Variants in DNAH14 observed in about 807,000 individuals in gnomAD.
The protein encoded by DNAH14 is dynein axonemal heavy chain 14.
A neutral mutation model predicts 520.9 loss-of-function variants in DNAH14; 478 were observed. The ratio of observed to expected loss-of-function variants is 0.92; its 90% CI spans 0.85 to 0.99. DNAH14 has a LOEUF of 0.99. Among genes scored for constraint, DNAH14 ranks in the 50% least tolerant of loss-of-function variants. The probability of loss-of-function intolerance (pLI) is 0.00; values close to 1 mark genes in which losing one functional copy is unlikely to be tolerated. For missense variants in DNAH14, 4,831 were observed against 5,234.5 expected, an observed-to-expected ratio of 0.92 and a Z score of 2.38; for synonymous variants, 1,581 against 1,757.2, an observed-to-expected ratio of 0.90 and a Z score of 2.51.
Position 225,246,761 on chromosome 1 carries a change from A to ATCCTATTTCTC in DNAH14, c.6749-5540_6749-5539insTCCTATTTCTC, listed in dbSNP as rs1471165636. Reference sequence around the variant, plus strand: ...CTGGAGAGGATGTGGAGAAATAGGAACGCTTTTACACTGTTGGTGGGAGTG... The same window carrying ATCCTATTTCTC: ...CTGGAGAGGATGTGGAGAAATAGGAATCCTATTTCTCCGCTTTTACACTGTTGGTGGGAGTG... On this transcript the variant is annotated intron_variant, in intron 43 of 85. Coordinates refer to ENST00000682510, the MANE Select transcript of DNAH14 (RefSeq NM_001367479.1). Among the ~76,000 whole-genome samples the ATCCTATTTCTC allele has an allele frequency of 2.0e-5, 3 of 152,198 alleles. No homozygotes were observed. The East Asian group carries it at 5.8e-4, about 29-fold the overall frequency.
rs1204314432 is a variant in DNAH14 at position 225,335,545 on chromosome 1, G to GTATATACA, written c.10081-1717_10081-1710dup. Among the ~76,000 whole-genome samples the GTATATACA allele has an allele frequency of 1.9e-3, 136 of 69,906 alleles. 1 individual carries two copies. Among genetic ancestry groups the GTATATACA allele is most frequent in the Middle Eastern group, 0.01 (1 of 100 alleles). 45.9% of individuals were successfully genotyped at this position (69,906 alleles called of 152,430 possible). On this transcript the variant is annotated intron_variant, in intron 66 of 85. Coordinates refer to ENST00000682510, the MANE Select transcript of DNAH14 (RefSeq NM_001367479.1). ...CATATATACATATGTACATATATAC[G>GTATATACA]TATATACATATGTACATCTATGTAT...
intron 44 of DNAH14, among the ~76,000 whole-genome samples, chr1:225,255,052 G>A (rs2092689853): frequency 6.6e-6 from 1 of 152,200 alleles, no homozygotes; most frequent in Non-Finnish European, 1.5e-5. Flanking sequence ...GGGTTTATAA[G>A]ATATTGATAT....
intron 10 of DNAH14, 125 bp downstream of exon 10, chr1:225,007,669 C>T (rs954903270): frequency 1.5e-6 from 1 of 650,296 alleles, no homozygotes; most frequent in Non-Finnish European, 2.3e-6. Flanking sequence ...GGTTAATTAA[C>T]CAACTAACTG....
At chr1:225,274,923 A>T (rs1226785822) in intron 52 of DNAH14, among the ~76,000 whole-genome samples, 1 of 152,234 alleles carries the variant, frequency 6.6e-6, no homozygotes, top group Non-Finnish European at 1.5e-5. Flanking sequence ...ACAATGTGCC[A>T]AGCACAGTGT....
At chr1:225,168,430 G>C (rs2082254890) in intron 36 of DNAH14, among the ~76,000 whole-genome samples, 2 of 152,172 alleles carry the variant, frequency 1.3e-5, no homozygotes, top group Non-Finnish European at 2.9e-5. Context: ...ACGGCACCTG[G>C]AAAATCAGGT....
rs767587148 is a variant in DNAH14, at chr1:225,117,661, G to A, written c.3868-23G>A. On this transcript the variant is annotated intron_variant, in intron 23 of 85. Transcript: ENST00000682510. ...CATAATTAAGCATATATTCTGAATTGCATTTCTTTTGATTCTGGACAGGAT... is the reference window on the plus strand; with the variant it reads ...CATAATTAAGCATATATTCTGAATTACATTTCTTTTGATTCTGGACAGGAT... 6 of 1,392,248 alleles carry A rather than the reference G, an allele frequency of 4.3e-6. No homozygotes were observed. The Admixed American group carries it at 6.2e-5, about 14-fold the overall frequency. The allele number at this position is 1,392,248 out of a possible 1,614,324, so 86.2% of individuals were successfully genotyped here.
intron 17 of DNAH14, among the ~76,000 whole-genome samples, chr1:225,062,284 A>T (rs1354560260): frequency 1.3e-5 from 2 of 152,140 alleles, no homozygotes; most frequent in Non-Finnish European, 2.9e-5. Flanking sequence ...GGTCAACAGA[A>T]TAAGACTGTA....
chr1:225,245,999 C>T (rs1436581040), intron 43 of DNAH14, among the ~76,000 whole-genome samples: 5 of 150,272 alleles, frequency 3.3e-5, no homozygotes, highest in Non-Finnish European at 7.4e-5. Context: ...GTAACCAAAA[C>T]AGCATGATAC....
At chr1:225,128,251 C>T (rs2148929075) in intron 27 of DNAH14, among the ~76,000 whole-genome samples, 1 of 151,544 alleles carries the variant, frequency 6.6e-6, no homozygotes, top group South Asian at 2.1e-4. Flanking sequence ...TGAATGTTGG[C>T]CTGCATTCCT....
At chr1:225,247,122 A>G (rs1167546703) in intron 43 of DNAH14, among the ~76,000 whole-genome samples, 1 of 152,236 alleles carries the variant, frequency 6.6e-6, no homozygotes, top group Non-Finnish European at 1.5e-5. Flanking sequence ...AAACTAACAC[A>G]GGAACAGAAA....
intron 55 of DNAH14, 91 bp from the exon 56 acceptor site, chr1:225,300,778 C>A: frequency 7.7e-7 from 1 of 1,303,636 alleles, no homozygotes; most frequent in Non-Finnish European, 1.0e-6. Flanking sequence ...TCCTTAATCA[C>A]TGTTGCTTTC....
intron 53 of DNAH14, among the ~76,000 whole-genome samples, 175 bp downstream of exon 53, chr1:225,276,256 T>C (rs934918589): frequency 3.3e-5 from 5 of 151,976 alleles, no homozygotes; most frequent in Admixed American, 2.6e-4. Flanking sequence ...CAGGGGAAAA[T>C]GCTTACCTTC....
intron 44 of DNAH14, among the ~76,000 whole-genome samples, chr1:225,253,488 A>G (rs1275686844): frequency 1.3e-5 from 2 of 152,118 alleles, no homozygotes; most frequent in Non-Finnish European, 2.9e-5. Context: ...AAATGTCACC[A>G]TGTAATTTTT....
intron 44 of DNAH14, among the ~76,000 whole-genome samples, chr1:225,256,219 C>T (rs28467771): frequency 6.6e-6 from 1 of 152,054 alleles, no homozygotes; most frequent in South Asian, 2.1e-4. Context: ...ATCTTCCACA[C>T]ATATACAAAC....
At chr1:225,118,059 CTTTGAAATT>C (rs762754037) in intron 25 of DNAH14, 60 bp downstream of exon 25, 32 of 1,310,330 alleles carry the variant, frequency 2.4e-5, no homozygotes, top group African/African-American at 5.9e-5. Context: ...AAAATCTCTG[CTTTGAAATT>C]TTTGATATAT....
chr1:225,100,817 C>G lies in DNAH14; in HGVS notation c.3800C>G (p.Ser1267Cys). ...NKQNALQITT[S>C]AGVLEILQNC... ...CAGAATGCTTTGCAGATAACCACTT[C>G]TGCAGGAGTCCTTGAAATTCTGCAA... Residue 1267 changes from serine (S) to cysteine (C), a missense_variant, in exon 23 of 86, where the codon TCT becomes TGT. Coordinates refer to ENST00000682510, the MANE Select transcript of DNAH14 (RefSeq NM_001367479.1). 1 of 1,535,316 alleles carries G rather than the reference C, an allele frequency of 6.5e-7. No individual in the cohort carries two copies.
chr1:225,339,625 C>A (rs772419279), intron 68 of DNAH14, among the ~76,000 whole-genome samples: 7 of 152,172 alleles, frequency 4.6e-5, no homozygotes, highest in Non-Finnish European at 8.8e-5. Flanking sequence ...CCTGAATAGA[C>A]AACATGGTCC....
intron 4 of DNAH14, among the ~76,000 whole-genome samples, chr1:224,962,806 C>T (rs1322883477): frequency 2.0e-5 from 3 of 152,140 alleles, no homozygotes; most frequent in South Asian, 4.1e-4. Context: ...ACTATTTATT[C>T]TGAAAAAGTG....
chr1:224,930,076 C>T (rs1230414097), intron 1 of DNAH14, among the ~76,000 whole-genome samples: 1 of 152,206 alleles, frequency 6.6e-6, no homozygotes, highest in Non-Finnish European at 1.5e-5. Flanking sequence ...GAGCTCTCAA[C>T]GCGAGGTTCT....
Sources: allele counts gnomAD v4.1 joint callset (sites outside exome capture counted in the v4.1 genomes callset), GRCh38; gene constraint gnomAD v4.1.1; transcripts MANE v1.5; gene names NCBI Gene and HGNC (gene_info 2026-07-23, HGNC 2026-07-21).